The following MANBA variants were observed in gnomAD, a reference collection of about 807,000 sequenced individuals.
MANBA encodes the protein mannosidase beta, also known as beta-mannosidase.
MANBA carries 83 observed loss-of-function variants against 111.1 expected under a neutral mutation model. That is an observed-to-expected ratio of 0.75 (90% CI 0.63 to 0.90). MANBA has a LOEUF of 0.90. Among genes scored for constraint, MANBA ranks in the 40% least tolerant of loss-of-function variants. The pLI is 0.00. For synonymous variants in MANBA, 370 were observed against 378.7 expected, an observed-to-expected ratio of 0.98 and a Z score of 0.27; for missense variants, 1,036 against 1,069.0, an observed-to-expected ratio of 0.97 and a Z score of 0.43.
At chr4:102,757,448 C>A (rs1560818734) in intron 1 of MANBA, among the ~76,000 whole-genome samples, 3 of 152,138 alleles carry the variant, frequency 2.0e-5, no homozygotes, top group Admixed American at 1.3e-4. Flanking sequence ...TAGGAAATAG[C>A]CAAGACTAGC....
intron 1 of MANBA, among the ~76,000 whole-genome samples, chr4:102,749,089 T>C (rs765952567): frequency 4.0e-5 from 6 of 151,790 alleles, no homozygotes; most frequent in Non-Finnish European, 8.8e-5. Context: ...ATCCAGTACC[T>C]AACAACAGAC....
At chr4:102,760,645 G>A in intron 1 of MANBA, 73 bp downstream of exon 1, 1 of 1,430,068 alleles carries the variant, frequency 7.0e-7, no homozygotes. Context: ...GGGCTGCCAG[G>A]CGGTTCCTGG....
intron 1 of MANBA, among the ~76,000 whole-genome samples, chr4:102,742,945 C>A (rs1723459865): frequency 6.6e-6 from 1 of 152,224 alleles, no homozygotes; most frequent in African/African-American, 2.4e-5. Context: ...CCAGGTCAGC[C>A]TTGCTGAGTG....
intron 15 of MANBA, 146 bp from the exon 16 acceptor site, chr4:102,635,191 A>C: frequency 1.3e-6 from 1 of 791,412 alleles, no homozygotes; most frequent in South Asian, 1.6e-5. Flanking sequence ...GTCCTGCAAA[A>C]TACTAGCTAT....
At chr4:102,673,821 C>T (rs1274052240) in intron 8 of MANBA, 98 bp downstream of exon 8, 5 of 1,132,840 alleles carry the variant, frequency 4.4e-6, no homozygotes, top group East Asian at 4.8e-5. Context: ...CCTCTTAGTT[C>T]CTTGCCCAGA....
At chr4:102,693,415 G>C (rs1732571566) in intron 5 of MANBA, among the ~76,000 whole-genome samples, 1 of 152,156 alleles carries the variant, frequency 6.6e-6, no homozygotes, top group Non-Finnish European at 1.5e-5. Flanking sequence ...TAATCTGTTA[G>C]GATTGCAGCC....
chr4:102,727,469 AG>A (rs1722854405), intron 1 of MANBA: 1 of 1,493,946 alleles, frequency 6.7e-7, no homozygotes, highest in Admixed American at 1.7e-5. Context: ...TCCATCTTCA[AG>A]GTCCAGATAA....
chr4:102,695,770 C>T (rs1375517578), intron 5 of MANBA, among the ~76,000 whole-genome samples: 1 of 152,112 alleles, frequency 6.6e-6, no homozygotes, highest in Admixed American at 6.5e-5. Flanking sequence ...AGGTACACAA[C>T]GATTGACATT....
chr4:102,664,705 T>C lies in MANBA; in HGVS notation c.1465A>G (p.Ile489Val). The C allele has an allele frequency of 6.2e-7, 1 of 1,613,160 alleles. No individual in the cohort carries two copies. Among genetic ancestry groups the C allele is most frequent in the Non-Finnish European group, 8.5e-7 (1 of 1,179,052 alleles). ...KDYVTLYVKN[I>V]RELVLAGDKS... ...CTTACTGCCAGTACGAGCTCTCTGA[T>C]GTTTTTCACATAGAGTGTCACATAG... The change falls in exon 11 of 17, where the codon ATC (isoleucine) becomes GTC (valine). Residue 489 changes from isoleucine (I) to valine (V), a missense_variant. Ile to Val is a conservative substitution (Grantham distance 29, BLOSUM62 3). Transcript: ENST00000647097.
At chr4:102,633,472 C>A (rs547008937) in intron 16 of MANBA, 13 of 398,498 alleles carry the variant, frequency 3.3e-5, no homozygotes, top group Non-Finnish European at 5.8e-5. Flanking sequence ...CAAGCTTGCA[C>A]CCTGGCTTCA....
At chr4:102,714,621 G>T (rs1240850156) in intron 4 of MANBA, 60 bp from the exon 5 acceptor site, 60 of 1,518,976 alleles carry the variant, frequency 4.0e-5, no homozygotes, top group Non-Finnish European at 5.3e-5. Context: ...TAAACATTAT[G>T]AAAAACATTT....
In MANBA at chr4:102,661,619, G is replaced by C. The variant is rs114796633; in HGVS notation, c.1485+3066C>G. On this transcript the variant is annotated intron_variant, in intron 11 of 16. Coordinates refer to ENST00000647097, the MANE Select transcript of MANBA (RefSeq NM_005908.4). Reference sequence around the variant, plus strand: ...CTTGACAGATTTCCCTTCATTCCTTGAGATTCTTGAGAAATTTGGCACGCT... The same window carrying C: ...CTTGACAGATTTCCCTTCATTCCTTCAGATTCTTGAGAAATTTGGCACGCT... 3.8e-3 allele frequency among the ~76,000 whole-genome samples: 573 copies of C among 152,340 alleles called. 3 individuals carry two copies. Among genetic ancestry groups the C allele is most frequent in the African/African-American group, 0.013 (552 of 41,582 alleles).
At position 102,632,289 on chromosome 4, in the gene MANBA, A is replaced by T; in HGVS notation, c.2416-8T>A. 6.5e-7 allele frequency: 1 copy of T among 1,532,696 alleles called. No individual in the cohort carries two copies. Among genetic ancestry groups the T allele is most frequent in the Non-Finnish European group, 8.8e-7 (1 of 1,132,616 alleles). The allele number at this position is 1,532,696 out of a possible 1,614,324, so 94.9% of individuals were successfully genotyped here. On this transcript the variant is annotated splice_region_variant and splice_polypyrimidine_tract_variant and intron_variant, in intron 16 of 16. Coordinates refer to ENST00000647097, the MANE Select transcript of MANBA (RefSeq NM_005908.4). ...TTGCTGAGAGATGATGGCCTGAAAAAGAAAAAAAAAAATGAATGAAGTGAA... is the reference window on the plus strand; with the variant it reads ...TTGCTGAGAGATGATGGCCTGAAAATGAAAAAAAAAAATGAATGAAGTGAA...
intron 1 of MANBA, among the ~76,000 whole-genome samples, chr4:102,758,679 AC>A (rs1231597809): frequency 1.3e-5 from 2 of 151,652 alleles, no homozygotes; most frequent in African/African-American, 4.9e-5. Context: ...CGTAGCTAGG[AC>A]CACAGGTGTA....
At chr4:102,676,831 A>G (rs1226942133) in intron 7 of MANBA, among the ~76,000 whole-genome samples, 2 of 152,218 alleles carry the variant, frequency 1.3e-5, no homozygotes, top group Non-Finnish European at 2.9e-5. Context: ...GTGGGTTAAC[A>G]CTGCTGGTGC....
chr4:102,683,292 T>C (rs1213863654), intron 7 of MANBA, among the ~76,000 whole-genome samples: 2 of 152,240 alleles, frequency 1.3e-5, no homozygotes, highest in African/African-American at 4.8e-5. Flanking sequence ...TTTTAATTGA[T>C]TGTAGAGTAC....
At chr4:102,742,071 T>C (rs1176779755) in intron 1 of MANBA, among the ~76,000 whole-genome samples, 1 of 152,174 alleles carries the variant, frequency 6.6e-6, no homozygotes, top group Non-Finnish European at 1.5e-5. Flanking sequence ...CCACGCATAC[T>C]CTTCCTTATC....
intron 5 of MANBA, 134 bp from the exon 6 acceptor site, chr4:102,690,905 A>C: frequency 3.8e-6 from 1 of 264,000 alleles, no homozygotes; most frequent in Non-Finnish European, 6.7e-6. Context: ...CAATGCTGTC[A>C]TAATCAAAAC....
intron 5 of MANBA, among the ~76,000 whole-genome samples, chr4:102,703,912 A>T (rs1177076025): frequency 6.6e-6 from 1 of 152,052 alleles, no homozygotes; most frequent in Non-Finnish European, 1.5e-5. Flanking sequence ...CCACTAACAC[A>T]GTGAAACCCC....
Sources: allele counts gnomAD v4.1 joint callset (sites outside exome capture counted in the v4.1 genomes callset), GRCh38; gene constraint gnomAD v4.1.1; transcripts MANE v1.5; gene names NCBI Gene and HGNC (gene_info 2026-07-23, HGNC 2026-07-21).